The following ITGA11 variants were observed in gnomAD, a reference collection of about 807,000 sequenced individuals.
ITGA11 encodes the protein integrin alpha-11.
A neutral mutation model predicts 141.9 loss-of-function variants in ITGA11; 97 were observed. That is an observed-to-expected ratio of 0.68 (90% CI 0.58 to 0.81). The LOEUF is 0.81. ITGA11 is among the 30% of genes least tolerant of loss of function. The probability of loss-of-function intolerance (pLI) is 0.00; values close to 1 mark genes in which losing one functional copy is unlikely to be tolerated. For synonymous variants in ITGA11, 658 were observed against 624.6 expected (o/e 1.05, Z -0.80); for missense variants, 1,387 against 1,559.2 (o/e 0.89, Z 1.86).
rs1439239998 is a variant in ITGA11 at position 68,351,305 on chromosome 15, C to A, written c.847G>T (p.Val283Leu). 3 of 1,613,918 alleles carry A rather than the reference C, an allele frequency of 1.9e-6. No homozygotes were observed. Among genetic ancestry groups the A allele is most frequent in the African/African-American group, 2.7e-5 (2 of 74,940 alleles). Residue 283 changes from valine to leucine, a missense_variant, in exon 8 of 30, where the codon GTG (valine) becomes TTG (leucine). Coordinates refer to ENST00000315757, the MANE Select transcript of ITGA11 (RefSeq NM_001004439.2). ...TTGTCTCTTTCGCTTTGCTGGATCA[C>A]CTTCTCCAGGTCTGGGCTGTCGTGG... The part of the protein sequence containing the change: ...ESHDSPDLEK[V>L]IQQSERDNVT...
Position 68,402,159 on chromosome 15 carries a change from G to A in ITGA11, c.164+759C>T, listed in dbSNP as rs143618918. ...TCATGTGGTCTCTTGACTATGCAAG[G>A]GCTTCTAAAAGGGCCATGCAGAGTC... is the stretch of plus-strand genomic sequence containing the variant. On this transcript the variant is annotated intron_variant, in intron 2 of 29. Transcript: ENST00000315757. Among the ~76,000 whole-genome samples, 557 of 152,056 alleles carry A rather than the reference G, an allele frequency of 3.7e-3. 6 individuals are homozygous for A. Among genetic ancestry groups the A allele is most frequent in the African/African-American group, 0.013 (532 of 41,464 alleles).
intron 2 of ITGA11, among the ~76,000 whole-genome samples, chr15:68,375,898 C>A (rs1448665251): frequency 6.6e-6 from 1 of 152,132 alleles, no homozygotes; most frequent in Non-Finnish European, 1.5e-5. Flanking sequence ...AATCACCCTT[C>A]CTAATGTGGG....
chr15:68,414,313 G>T (rs890978779), intron 1 of ITGA11, among the ~76,000 whole-genome samples: 1 of 152,132 alleles, frequency 6.6e-6, no homozygotes, highest in Admixed American at 6.5e-5. Flanking sequence ...ATGGTCCCTG[G>T]GGGGACGGGG....
intron 11 of ITGA11, among the ~76,000 whole-genome samples, chr15:68,339,069 G>A (rs1019719787): frequency 6.6e-6 from 1 of 152,180 alleles, no homozygotes; most frequent in South Asian, 2.1e-4. Context: ...CATGGGCAGC[G>A]ACTTCTGCCT....
At chr15:68,316,742 C>T (rs1392949500) in intron 21 of ITGA11, among the ~76,000 whole-genome samples, 3 of 152,234 alleles carry the variant, frequency 2.0e-5, no homozygotes, top group African/African-American at 7.2e-5. Flanking sequence ...AGGTCTCCTA[C>T]TCCAGAACCT....
chr15:68,406,802 G>A (rs1896660185), intron 1 of ITGA11, among the ~76,000 whole-genome samples: 1 of 152,148 alleles, frequency 6.6e-6, no homozygotes, highest in Non-Finnish European at 1.5e-5. Context: ...TGAGGAAAAG[G>A]AGAAAGGAAA....
At chr15:68,409,108 G>A (rs988697088) in intron 1 of ITGA11, among the ~76,000 whole-genome samples, 5 of 149,754 alleles carry the variant, frequency 3.3e-5, no homozygotes, top group East Asian at 1.9e-4. Context: ...TGGCCTCAGC[G>A]CTTTTGCCCA....
intron 7 of ITGA11, among the ~76,000 whole-genome samples, chr15:68,356,292 C>T (rs140042606): frequency 0.028 from 4,169 of 151,020 alleles, 183 homozygotes; most frequent in African/African-American, 0.097. Flanking sequence ...TTAGTAGAGA[C>T]GGGGTTTCAC....
In ITGA11 at chr15:68,320,215, T is replaced by G. The variant is rs755555259; in HGVS notation, c.2586A>C (p.Ala862=). ...GGATCAAGCTGGCAAACTGCAGGTT[T>G]GCTGACTGCGAGATATTTAGGACCG... is the stretch of plus-strand genomic sequence containing the variant. ...YSTVLNISQS[A]NLQFASLIQK... The change falls in exon 20 of 30, where the codon GCA becomes GCC. Residue 862 remains alanine, a synonymous_variant. Coordinates refer to ENST00000315757, the MANE Select transcript of ITGA11 (RefSeq NM_001004439.2). 3 of 1,613,922 alleles carry G rather than the reference T, an allele frequency of 1.9e-6. No homozygotes were observed. The Admixed American group carries it at 5.0e-5, about 27-fold the overall frequency.
intron 1 of ITGA11, among the ~76,000 whole-genome samples, chr15:68,415,755 T>C (rs1160300730): frequency 6.6e-6 from 1 of 152,296 alleles, no homozygotes. Context: ...AGCTCATGTG[T>C]GTCATGAGGG....
intron 1 of ITGA11, among the ~76,000 whole-genome samples, chr15:68,420,083 ATC>A (rs1435544829): frequency 6.6e-6 from 1 of 152,084 alleles, no homozygotes; most frequent in Non-Finnish European, 1.5e-5. Context: ...TTGGACTGTA[ATC>A]TGGGGTCTAT....
At chr15:68,428,475 G>T (rs759660026) in intron 1 of ITGA11, among the ~76,000 whole-genome samples, 2 of 152,140 alleles carry the variant, frequency 1.3e-5, no homozygotes, top group Non-Finnish European at 2.9e-5. Flanking sequence ...GGTCCACTGT[G>T]GGGTAGAGAT....
rs1177964257 is a variant in ITGA11, at chr15:68,303,076, G to A, written c.3550C>T (p.Pro1184Ser). 2 of 1,550,092 alleles carry A rather than the reference G, an allele frequency of 1.3e-6. No homozygotes were observed. Among genetic ancestry groups the A allele is most frequent in the African/African-American group, 2.7e-5 (2 of 73,016 alleles). ...CTGGAGCCTCACTCCAGCACTTTGG[G>A]GGTGGGGTCCAGACCAGGCTCCCTC... ...RRREPGLDPT[P>S]KVLE The change falls in exon 30 of 30, where the codon CCC becomes TCC. Residue 1184 changes from proline to serine, a missense_variant. Transcript: ENST00000315757. This position sits in a 1 kb window ranked among gnomAD's most constrained non-coding sequence, Gnocchi z 5.3.
At position 68,333,559 on chromosome 15, in the gene ITGA11, C is replaced by G. The variant is rs930916645; in HGVS notation, c.1426-1081G>C. Among the ~76,000 whole-genome samples, 2 of 152,140 alleles carry G rather than the reference C, an allele frequency of 1.3e-5. No homozygotes were observed. Among genetic ancestry groups the G allele is most frequent in the Non-Finnish European group, 2.9e-5 (2 of 68,012 alleles). On this transcript the variant is annotated intron_variant, in intron 12 of 29. Coordinates refer to ENST00000315757, the MANE Select transcript of ITGA11 (RefSeq NM_001004439.2). The surrounding 1 kb of genome is among the most constrained non-coding windows in gnomAD (Gnocchi z 4.2). The stretch of plus-strand genomic sequence containing the variant: ...CCCCCTCATCAGAAACCCAGAAACC[C>G]TGACTCCACCCTCCACCTCTCCCAC...
chr15:68,407,220 G>T (rs1896670088), intron 1 of ITGA11, among the ~76,000 whole-genome samples: 1 of 152,146 alleles, frequency 6.6e-6, no homozygotes, highest in Non-Finnish European at 1.5e-5. Context: ...TGAGGGGGTG[G>T]TGGGGGCCCA....
chr15:68,351,704 T>A (rs143207207), intron 7 of ITGA11, among the ~76,000 whole-genome samples: 67 of 151,232 alleles, frequency 4.4e-4, no homozygotes, highest in Non-Finnish European at 2.9e-4. Context: ...GGGAGGGGAG[T>A]TCAGGGGCAA....
chr15:68,325,119 A>C lies in ITGA11; in HGVS notation c.2322+12T>G. Reference sequence around the variant, plus strand: ...TTCATGCCCGAGGTGCGTGCCCTGTACCGAGATGTACCGAGACTCTGAGAG... The same window carrying C: ...TTCATGCCCGAGGTGCGTGCCCTGTCCCGAGATGTACCGAGACTCTGAGAG... On this transcript the variant is annotated intron_variant, in intron 18 of 29. Transcript: ENST00000315757. This position sits in a 1 kb window ranked among gnomAD's most constrained non-coding sequence, Gnocchi z 5.5. The C allele has an allele frequency of 6.2e-7, 1 of 1,602,878 alleles. No homozygotes were observed. Among genetic ancestry groups the C allele is most frequent in the Non-Finnish European group, 8.5e-7 (1 of 1,169,912 alleles).
chr15:68,387,718 C>T (rs1299585334), intron 2 of ITGA11, among the ~76,000 whole-genome samples: 7 of 152,106 alleles, frequency 4.6e-5, no homozygotes, highest in Non-Finnish European at 1.0e-4. Flanking sequence ...CCCAGCCCGG[C>T]CCCTTCAGCT....
At chr15:68,394,438 G>A (rs1275576616) in intron 2 of ITGA11, among the ~76,000 whole-genome samples, 1 of 152,090 alleles carries the variant, frequency 6.6e-6, no homozygotes, top group African/African-American at 2.4e-5. Context: ...ATCAAAATTT[G>A]TAGGATGCAG....
Sources: allele counts gnomAD v4.1 joint callset (sites outside exome capture counted in the v4.1 genomes callset), GRCh38; gene constraint gnomAD v4.1.1; non-coding constraint Gnocchi (gnomAD v3.1); transcripts MANE v1.5; gene names NCBI Gene and HGNC (gene_info 2026-07-23, HGNC 2026-07-21).